ZNF91: variants seen among roughly 807,000 people sequenced by gnomAD.
The protein encoded by ZNF91 is zinc finger protein 91.
In ZNF91, 7 loss-of-function variants were observed where a neutral mutation model predicts 12.6. The observed-to-expected ratio is 0.55, with a 90% CI of 0.31 to 1.04. The LOEUF (loss-of-function observed/expected upper bound fraction) is 1.04. Among genes scored for constraint, ZNF91 ranks in the 50% least tolerant of loss-of-function variants. The probability of loss-of-function intolerance (pLI) is 0.05; values close to 1 mark genes in which losing one functional copy is unlikely to be tolerated. For missense variants in ZNF91, 1,217 were observed against 1,385.4 expected, an observed-to-expected ratio of 0.88 and a Z score of 1.93; for synonymous variants, 453 against 462.6, an observed-to-expected ratio of 0.98 and a Z score of 0.27.
At chr19:23,342,078 C>G (rs1968137275) in intron 3 of ZNF91, 1 of 336,882 alleles carries the variant, frequency 3.0e-6, no homozygotes, top group Non-Finnish European at 5.4e-6. Context: ...TCCATGGAAG[C>G]AGAGCATTCT....
intron 3 of ZNF91, among the ~76,000 whole-genome samples, chr19:23,350,364 T>C (rs1968332227): frequency 6.6e-6 from 1 of 152,196 alleles, no homozygotes. Context: ...GGGTTCCTCC[T>C]GTTTCTCTCC....
intron 1 of ZNF91, chr19:23,324,066 A>ACTCCTCCTT (rs1044651457): frequency 6.0e-5 from 5 of 82,874 alleles, no homozygotes; most frequent in African/African-American, 2.3e-4. Flanking sequence ...CATCTCCTCT[A>ACTCCTCCTT]CTCCTCCTTC....
intron 1 of ZNF91, among the ~76,000 whole-genome samples, chr19:23,330,882 G>T (rs911881562): frequency 3.3e-5 from 5 of 152,142 alleles, no homozygotes; most frequent in Non-Finnish European, 7.3e-5. Context: ...CATGCATTTA[G>T]AAGTCTAATT....
intron 1 of ZNF91, among the ~76,000 whole-genome samples, chr19:23,392,233 T>C (rs917814259): frequency 7.9e-5 from 12 of 151,448 alleles, no homozygotes; most frequent in African/African-American, 2.4e-4. Flanking sequence ...CCGCCTCTAC[T>C]AAAAATACAC....
intron 1 of ZNF91, among the ~76,000 whole-genome samples, chr19:23,319,641 A>G (rs1240285062): frequency 1.3e-5 from 2 of 152,198 alleles, no homozygotes; most frequent in Non-Finnish European, 2.9e-5. Context: ...AGAAAAGATT[A>G]TGACACATCA....
At chr19:23,332,493 C>T (rs1967943368) in intron 1 of ZNF91, among the ~76,000 whole-genome samples, 1 of 151,754 alleles carries the variant, frequency 6.6e-6, no homozygotes, top group Non-Finnish European at 1.5e-5. Context: ...GTCTCCAGGG[C>T]TGTGCTTCTG....
chr19:23,369,519 A>T (rs1753677993), intron 3 of ZNF91, among the ~76,000 whole-genome samples: 1 of 152,170 alleles, frequency 6.6e-6, no homozygotes, highest in African/African-American at 2.4e-5. Flanking sequence ...CCAACAGCTC[A>T]TTGAGAAGGG....
At chr19:23,370,924 T>C (rs1289998556) in intron 3 of ZNF91, among the ~76,000 whole-genome samples, 1 of 152,112 alleles carries the variant, frequency 6.6e-6, no homozygotes, top group Admixed American at 6.5e-5. Flanking sequence ...TTCTTGAAAA[T>C]TACCTTCAAA....
Position 23,361,637 on chromosome 19 carries a change from T to A in ZNF91, c.1342A>T (p.Ser448Cys). The change falls in exon 4 of 4, where the codon AGC becomes TGC. Residue 448 changes from serine (S) to cysteine (C), a missense_variant. By Grantham distance (112) the Ser-to-Cys change is moderately radical. Coordinates refer to ENST00000300619, the MANE Select transcript of ZNF91 (RefSeq NM_003430.4). ...TGAAATCTTTTATGTTTAGTAAGGC[T>A]TGAGGACCAGTTAAATGCTTTGCCA... is the stretch of plus-strand genomic sequence containing the variant. ...ECGKAFNWSS[S>C]LTKHKRFHTR... is the part of the protein sequence containing the mutation. The A allele has an allele frequency of 6.2e-7, 1 of 1,613,786 alleles. No homozygotes were observed. Among genetic ancestry groups the A allele is most frequent in the Non-Finnish European group, 8.5e-7 (1 of 1,179,826 alleles).
At chr19:23,312,380 G>C (rs1464813419), upstream of ZNF91, among the ~76,000 whole-genome samples, 7 of 152,146 alleles carry the variant, frequency 4.6e-5, no homozygotes, top group African/African-American at 1.7e-4. Flanking sequence ...TTAGGAAAAT[G>C]GGTCAAATCT....
At chr19:23,326,479 C>G (rs753984489) in intron 1 of ZNF91, 1 of 152,110 alleles carries the variant, frequency 6.6e-6, no homozygotes, top group African/African-American at 2.4e-5. Context: ...AGGCACCCAC[C>G]ACCACGTCCA....
intron 1 of ZNF91, chr19:23,385,011 G>C (rs1431521422): frequency 4.0e-5 from 49 of 1,223,280 alleles, no homozygotes; most frequent in Non-Finnish European, 5.3e-5. Flanking sequence ...GTCTGTTGGA[G>C]AACGGGACAG....
At chr19:23,350,353 T>C (rs568282004) in intron 3 of ZNF91, among the ~76,000 whole-genome samples, 3 of 152,294 alleles carry the variant, frequency 2.0e-5, no homozygotes, top group African/African-American at 2.4e-5. Context: ...TCTTCATCAC[T>C]GGGTTCCTCC....
At chr19:23,321,016 G>A (rs1159957208) in intron 1 of ZNF91, among the ~76,000 whole-genome samples, 2 of 152,186 alleles carry the variant, frequency 1.3e-5, no homozygotes, top group African/African-American at 4.8e-5. Flanking sequence ...AGAAGCTGCT[G>A]CACAGATCCA....
intron 3 of ZNF91, among the ~76,000 whole-genome samples, 198 bp downstream of exon 3, chr19:23,373,544 G>C (rs1286727174): frequency 6.6e-6 from 1 of 151,690 alleles, no homozygotes; most frequent in Non-Finnish European, 1.5e-5. Flanking sequence ...CTTGAAGAAA[G>C]ATCATTGAAG....
chr19:23,330,003 G>C (rs1044581410), intron 1 of ZNF91, among the ~76,000 whole-genome samples: 1 of 152,136 alleles, frequency 6.6e-6, no homozygotes, highest in Non-Finnish European at 1.5e-5. Context: ...GTGTGAATTA[G>C]GCCACCATCT....
chr19:23,395,191 G>T, intron 1 of ZNF91, 134 bp downstream of exon 1: 1 of 1,137,118 alleles, frequency 8.8e-7, no homozygotes, highest in Non-Finnish European at 1.3e-6. Context: ...GACTGAGGCC[G>T]AGCTGGGCAA....
At position 23,376,270 on chromosome 19, in the gene ZNF91, A is replaced by T. The variant is rs143973729; in HGVS notation, c.31-1506T>A. Among the ~76,000 whole-genome samples the T allele has an allele frequency of 3.0e-3, 451 of 152,350 alleles. 2 individuals are homozygous for T. The highest frequency in any genetic ancestry group is 0.01 in the African/African-American group (434 of 41,584). On this transcript the variant is annotated intron_variant, in intron 1 of 3. Transcript: ENST00000300619. Reference sequence around the variant, plus strand: ...AAAGAGAACATTTTTAATATTGCAGATCACAAATTCATGGTGAGAATTCTG... The same window carrying T: ...AAAGAGAACATTTTTAATATTGCAGTTCACAAATTCATGGTGAGAATTCTG...
chr19:23,384,969 C>A, intron 1 of ZNF91: 3 of 989,656 alleles, frequency 3.0e-6, no homozygotes, highest in Non-Finnish European at 4.9e-6. Context: ...GCTGCGAGCC[C>A]GTCATGGAGG....
Sources: allele counts gnomAD v4.1 joint callset (sites outside exome capture counted in the v4.1 genomes callset), GRCh38; gene constraint gnomAD v4.1.1; transcripts MANE v1.5; gene names NCBI Gene and HGNC (gene_info 2026-07-23, HGNC 2026-07-21).